PRKG1: variants seen among roughly 807,000 people sequenced by gnomAD.
PRKG1 encodes the protein cGMP-dependent protein kinase 1.
PRKG1 carries 35 observed loss-of-function variants against 88.1 expected under a neutral mutation model. That is an observed-to-expected ratio of 0.40 (90% CI 0.30 to 0.53). PRKG1 has a LOEUF of 0.53. Ranked by LOEUF, PRKG1 falls within the 20% of genes least tolerant of loss-of-function variation. The pLI, the probability that PRKG1 is intolerant of heterozygous loss-of-function variation, is 0.59. For synonymous variants in PRKG1, 303 were observed against 292.5 expected, an observed-to-expected ratio of 1.04 and a Z score of -0.37; for missense variants, 540 against 839.8, an observed-to-expected ratio of 0.64 and a Z score of 4.41.
chr10:51,390,351 T>C (rs956259911), intron 2 of PRKG1, among the ~76,000 whole-genome samples: 2 of 152,212 alleles, frequency 1.3e-5, no homozygotes, highest in African/African-American at 4.8e-5. Flanking sequence ...TACATTGATA[T>C]ACACATTCAT....
At chr10:51,164,511 G>T (rs372473444) in intron 2 of PRKG1, among the ~76,000 whole-genome samples, 1 of 152,220 alleles carries the variant, frequency 6.6e-6, no homozygotes, top group East Asian at 1.9e-4. Flanking sequence ...CCAAAGGAAC[G>T]CAGCTCCTCA....
rs574209856 is a variant in PRKG1 at position 51,426,721 on chromosome 10, G to C, written c.479-41002G>C. On this transcript the variant is annotated intron_variant, in intron 2 of 17. Transcript: ENST00000373980. ...ATACACACACACACACACATATACA[G>C]AAGTATTCATATGCATGTTTGTCAT... Among the ~76,000 whole-genome samples the C allele has an allele frequency of 2.0e-5, 3 of 151,956 alleles. No individual in the cohort carries two copies. In the East Asian group the frequency reaches 5.8e-4, roughly 29 times the overall value.
chr10:51,028,212 T>C (rs1434851306), intron 1 of PRKG1, among the ~76,000 whole-genome samples: 1 of 152,222 alleles, frequency 6.6e-6, no homozygotes. Flanking sequence ...CTAATTTATT[T>C]AAATGCAGGA....
intron 6 of PRKG1, among the ~76,000 whole-genome samples, chr10:52,059,538 G>A (rs962808818): frequency 9.9e-5 from 15 of 151,854 alleles, no homozygotes; most frequent in Non-Finnish European, 1.3e-4. Flanking sequence ...GGTCTGAAAA[G>A]GTTAAATATT....
intron 3 of PRKG1, among the ~76,000 whole-genome samples, chr10:51,599,547 G>A (rs1838543568): frequency 6.6e-6 from 1 of 152,084 alleles, no homozygotes; most frequent in Non-Finnish European, 1.5e-5. Flanking sequence ...ATTATTATCA[G>A]ATATTACAAC....
intron 1 of PRKG1, among the ~76,000 whole-genome samples, chr10:51,081,205 G>A (rs1041616999): frequency 1.6e-4 from 24 of 152,016 alleles, no homozygotes; most frequent in Non-Finnish European, 3.2e-4. Context: ...AAATTTATAA[G>A]CAATGAAAAA....
At chr10:52,253,953 C>T (rs1209739639) in intron 10 of PRKG1, among the ~76,000 whole-genome samples, 2 of 151,870 alleles carry the variant, frequency 1.3e-5, no homozygotes, top group African/African-American at 4.8e-5. Flanking sequence ...CCTATATTGT[C>T]TTCAGTATTC....
intron 1 of PRKG1, among the ~76,000 whole-genome samples, chr10:51,151,000 C>G (rs1268038125): frequency 6.6e-6 from 1 of 151,718 alleles, no homozygotes; most frequent in Non-Finnish European, 1.5e-5. Context: ...GGACTTAAAT[C>G]TTTATAGGGT....
At chr10:51,825,330 T>G (rs1011949822) in intron 4 of PRKG1, among the ~76,000 whole-genome samples, 3 of 152,190 alleles carry the variant, frequency 2.0e-5, no homozygotes, top group Non-Finnish European at 4.4e-5. Flanking sequence ...TACCAAGCTC[T>G]TTCCCCTTTC....
chr10:50,994,545 T>A (rs772354850), intron 1 of PRKG1, among the ~76,000 whole-genome samples: 7 of 151,708 alleles, frequency 4.6e-5, no homozygotes, highest in Non-Finnish European at 8.8e-5. Flanking sequence ...CGAGTACACC[T>A]CACCTGTTTT....
chr10:51,667,335 T>C (rs895904224), intron 3 of PRKG1, among the ~76,000 whole-genome samples: 5 of 152,192 alleles, frequency 3.3e-5, no homozygotes, highest in African/African-American at 1.2e-4. Flanking sequence ...TAAAAAATGA[T>C]ACCAAAGTAG....
intron 3 of PRKG1, among the ~76,000 whole-genome samples, chr10:51,715,929 T>C (rs1423003561): frequency 6.6e-6 from 1 of 152,248 alleles, no homozygotes; most frequent in Non-Finnish European, 1.5e-5. Context: ...GGGTGGGTCT[T>C]AGGCATTCAT....
intron 2 of PRKG1, among the ~76,000 whole-genome samples, chr10:51,423,496 A>G (rs2132711317): frequency 6.6e-6 from 1 of 152,008 alleles, no homozygotes; most frequent in Middle Eastern, 3.4e-3. Flanking sequence ...TTTTTTCTCC[A>G]GATTTCTTCC....
intron 5 of PRKG1, among the ~76,000 whole-genome samples, chr10:52,031,457 T>C (rs7898220): frequency 0.6 from 90,724 of 151,990 alleles, 27,881 homozygotes; most frequent in South Asian, 0.78. Flanking sequence ...CAGGGCTTCT[T>C]GCAATAATCT....
intron 1 of PRKG1, among the ~76,000 whole-genome samples, chr10:51,024,750 C>T (rs1843184721): frequency 6.6e-6 from 1 of 152,088 alleles, no homozygotes; most frequent in Non-Finnish European, 1.5e-5. Context: ...ATAGCCAGAG[C>T]AGGAGGAAGA....
At chr10:51,751,588 G>A (rs559796615) in intron 3 of PRKG1, among the ~76,000 whole-genome samples, 24 of 152,158 alleles carry the variant, frequency 1.6e-4, no homozygotes, top group Admixed American at 1.1e-3. Context: ...TATTTTATAC[G>A]TTGCATGGAA....
intron 1 of PRKG1, among the ~76,000 whole-genome samples, chr10:51,046,541 A>G (rs543843783): frequency 1.5e-4 from 23 of 152,176 alleles, no homozygotes; most frequent in African/African-American, 4.6e-4. Flanking sequence ...GAAAACAACG[A>G]TTTTTCCTTT....
At chr10:52,137,531 C>A (rs10762578) in intron 8 of PRKG1, among the ~76,000 whole-genome samples, 1 of 151,826 alleles carries the variant, frequency 6.6e-6, no homozygotes, top group Non-Finnish European at 1.5e-5. Context: ...TTCAAGGACC[C>A]CCTTTGAATA....
chr10:51,679,704 C>CCT (rs1487632731), intron 3 of PRKG1, among the ~76,000 whole-genome samples: 22 of 109,572 alleles, frequency 2.0e-4, no homozygotes, highest in Admixed American at 4.9e-4. Flanking sequence ...GGGCAGGGAA[C>CCT]TTTTTTTTTT....
Sources: allele counts gnomAD v4.1 joint callset (sites outside exome capture counted in the v4.1 genomes callset), GRCh38; gene constraint gnomAD v4.1.1; transcripts MANE v1.5; gene names NCBI Gene and HGNC (gene_info 2026-07-23, HGNC 2026-07-21).